Variants in RNF144A observed in about 807,000 individuals in gnomAD.
RNF144A encodes the protein ring finger protein 144A.
Under a neutral mutation model 38.7 loss-of-function variants are expected in RNF144A, and 11 were observed. The observed-to-expected ratio is 0.28, with a 90% confidence interval of 0.18 to 0.47. The LOEUF (loss-of-function observed/expected upper bound fraction) is 0.47. RNF144A is among the 20% of genes least tolerant of loss of function. The pLI is 0.99. For synonymous variants in RNF144A, 149 were observed against 143.9 expected (o/e 1.04, Z -0.25); for missense variants, 316 against 377.2 (o/e 0.84, Z 1.34).
At chr2:7,005,007 A>C (rs1670348817) in intron 3 of RNF144A, among the ~76,000 whole-genome samples, 1 of 152,194 alleles carries the variant, frequency 6.6e-6, no homozygotes, top group Non-Finnish European at 1.5e-5. Context: ...TCTTATTTTT[A>C]CAATTATAAC....
intron 2 of RNF144A, among the ~76,000 whole-genome samples, chr2:6,982,427 G>T (rs1226239729): frequency 6.6e-6 from 1 of 152,166 alleles, no homozygotes; most frequent in Non-Finnish European, 1.5e-5. Context: ...CAAGGAAGGA[G>T]GCATTGCCTG....
Position 7,041,714 on chromosome 2 carries a change from G to C in RNF144A, c.*1954G>C, listed in dbSNP as rs1673054380. ...GCACACATGGGAGGCCTGTGGCCCT[G>C]TGTCCAGTGGCCCACAGGACACGCC... is the stretch of plus-strand genomic sequence containing the variant. On this transcript the variant is annotated 3_prime_UTR_variant, in exon 9 of 9. Coordinates refer to ENST00000320892, the MANE Select transcript of RNF144A (RefSeq NM_014746.6). The C allele has an allele frequency of 3.0e-6, 3 of 985,438 alleles. No individual in the cohort carries two copies. Among genetic ancestry groups the C allele is most frequent in the African/African-American group, 1.7e-5 (1 of 57,326 alleles). 61.0% of individuals were successfully genotyped at this position (985,438 alleles called of 1,614,324 possible).
intron 5 of RNF144A, among the ~76,000 whole-genome samples, chr2:7,017,520 A>G (rs1207785514): frequency 2.0e-5 from 3 of 152,134 alleles, no homozygotes; most frequent in African/African-American, 7.2e-5. Flanking sequence ...TGCTGGGTGC[A>G]TCGTTCTCTG....
At chr2:7,068,201 G>T (rs940445197) in intron 6 of RNF144A, 1 of 1,268,784 alleles carries the variant, frequency 7.9e-7, no homozygotes, top group Admixed American at 2.3e-5. Context: ...CAGTGAGTAA[G>T]GTTTTCTTTA....
rs561929560 is a variant in RNF144A at position 6,926,019 on chromosome 2, T to C, written c.-212+8397T>C. 2.2e-3 allele frequency among the ~76,000 whole-genome samples: 332 copies of C among 152,372 alleles called. 5 individuals are homozygous for C. The highest frequency in any genetic ancestry group is 7.3e-3 in the African/African-American group (303 of 41,586). On this transcript the variant is annotated intron_variant, in intron 1 of 8. Coordinates refer to ENST00000320892, the MANE Select transcript of RNF144A (RefSeq NM_014746.6). The stretch of plus-strand genomic sequence containing the variant: ...ACTTACTAACAAGGACTTAAACAGC[T>C]TTCTGTTTCCTTAATAGCAAGGCAC...
At chr2:7,039,605 T>C in intron 8 of RNF144A, 24 bp from the exon 9 acceptor site, 1 of 1,613,578 alleles carries the variant, frequency 6.2e-7, no homozygotes. Context: ...TCCTTACCTC[T>C]ACCCCTTTGT....
intron 2 of RNF144A, among the ~76,000 whole-genome samples, chr2:6,975,492 C>G (rs1013758016): frequency 1.3e-5 from 2 of 152,200 alleles, no homozygotes; most frequent in African/African-American, 2.4e-5. Context: ...CACTGCCCAG[C>G]CCTCCTCGCC....
intron 2 of RNF144A, among the ~76,000 whole-genome samples, chr2:6,979,573 G>T (rs544561641): frequency 1.3e-5 from 2 of 151,524 alleles, no homozygotes; most frequent in African/African-American, 4.8e-5. Context: ...TTAGTATTTC[G>T]AAAGGTGAAA....
Position 7,043,529 on chromosome 2 carries a change from G to A in RNF144A, c.*3769G>A, listed in dbSNP as rs1673176348. ...TTTTGCATGTGTAAAGCTTCATGAA[G>A]TTCTCTTTAAAAAATACCAAAGCTT... On this transcript the variant is annotated 3_prime_UTR_variant, in exon 9 of 9. Coordinates refer to ENST00000320892, the MANE Select transcript of RNF144A (RefSeq NM_014746.6). 2 of 985,470 alleles carry A rather than the reference G, an allele frequency of 2.0e-6. No individual in the cohort carries two copies. The highest frequency in any genetic ancestry group is 9.4e-5 in the South Asian group (2 of 21,282). 61.0% of individuals were successfully genotyped at this position (985,470 alleles called of 1,614,324 possible).
At chr2:7,033,111 G>T (rs901312456) in intron 8 of RNF144A, among the ~76,000 whole-genome samples, 9 of 152,260 alleles carry the variant, frequency 5.9e-5, no homozygotes, top group African/African-American at 2.2e-4. Flanking sequence ...GTGAGAGCAG[G>T]TGCTTTCCAC....
rs562067937 is a variant in RNF144A, at chr2:7,003,603, C to T, written c.135+6542C>T. Among the ~76,000 whole-genome samples, 142 of 152,328 alleles carry T rather than the reference C, an allele frequency of 9.3e-4. 1 individual carries two copies. Among genetic ancestry groups the T allele is most frequent in the Middle Eastern group, 3.4e-3 (1 of 294 alleles). On this transcript the variant is annotated intron_variant, in intron 3 of 8. Coordinates refer to ENST00000320892, the MANE Select transcript of RNF144A (RefSeq NM_014746.6). ...CTAGGTGTGTAGTAGGCTATGCCAC[C>T]TAGGTATATGTTACTACATTCTATA...
chr2:6,942,767 T>G (rs766539238), intron 2 of RNF144A, among the ~76,000 whole-genome samples: 1 of 152,168 alleles, frequency 6.6e-6, no homozygotes, highest in Non-Finnish European at 1.5e-5. Context: ...GTGGATCACC[T>G]GAGGTCAGGA....
chr2:6,988,329 G>C (rs1669086670), intron 2 of RNF144A, among the ~76,000 whole-genome samples: 2 of 152,152 alleles, frequency 1.3e-5, no homozygotes, highest in African/African-American at 4.8e-5. Context: ...CTTCATTCCA[G>C]TTTCTTGAGT....
At chr2:6,988,506 GCTCTT>G (rs1378535421) in intron 2 of RNF144A, among the ~76,000 whole-genome samples, 1 of 152,124 alleles carries the variant, frequency 6.6e-6, no homozygotes, top group East Asian at 1.9e-4. Flanking sequence ...TTTATTTGAT[GCTCTT>G]CTCTTAAGAA....
At chr2:6,997,239 A>C (rs1366892579) in intron 3 of RNF144A, among the ~76,000 whole-genome samples, 178 bp downstream of exon 3, 2 of 152,200 alleles carry the variant, frequency 1.3e-5, no homozygotes, top group Non-Finnish European at 2.9e-5. Context: ...AGGCTCCCAG[A>C]GTGGAAGATT....
At chr2:7,005,659 G>A (rs1005947650) in intron 3 of RNF144A, among the ~76,000 whole-genome samples, 5 of 152,160 alleles carry the variant, frequency 3.3e-5, no homozygotes, top group African/African-American at 1.2e-4. Flanking sequence ...ACCAGCACCC[G>A]TACCCCTCAG....
rs191541116 is a variant in RNF144A, at chr2:7,006,706, C to T, written c.136-7748C>T. On this transcript the variant is annotated intron_variant, in intron 3 of 8. Transcript: ENST00000320892. ...TGGCCACCTCCCCAAAGCCTCCCAT[C>T]CTCCCTTCCCTGTCCATGGCCTGCC... Among the ~76,000 whole-genome samples, 521 of 152,294 alleles carry T rather than the reference C, an allele frequency of 3.4e-3. 2 individuals are homozygous for T. The highest frequency in any genetic ancestry group is 0.012 in the African/African-American group (504 of 41,538).
downstream of RNF144A, chr2:7,068,401 A>G (rs927139957): frequency 8.5e-6 from 4 of 470,098 alleles, no homozygotes; most frequent in African/African-American, 6.1e-5. Context: ...TTTGGGCATT[A>G]TAGAAGAAAG....
At chr2:7,047,786 G>C (rs16865878), downstream of RNF144A, among the ~76,000 whole-genome samples, 2,269 of 152,292 alleles carry the variant, frequency 0.015, 57 homozygotes, top group African/African-American at 0.052. Context: ...CCAGGCATTT[G>C]CTCACTGCTT....
Sources: gnomAD v4.1 joint callset for allele counts (sites outside exome capture counted in the v4.1 genomes callset) on GRCh38, gnomAD v4.1.1 for gene constraint, MANE v1.5 for transcripts, NCBI Gene and HGNC (gene_info 2026-07-23, HGNC 2026-07-21) for gene names.